The following PIAS1 variants were observed in gnomAD, a reference collection of about 807,000 sequenced individuals.
The protein encoded by PIAS1 is protein inhibitor of activated STAT 1.
A neutral mutation model predicts 71.3 loss-of-function variants in PIAS1; 6 were observed. The observed-to-expected ratio is 0.08, with a 90% confidence interval of 0.05 to 0.17. The LOEUF is 0.17. Ranked by LOEUF, PIAS1 falls within the 10% of genes least tolerant of loss-of-function variation. The pLI, the probability that PIAS1 is intolerant of heterozygous loss-of-function variation, is 1.00. For missense variants in PIAS1, 555 were observed against 793.6 expected (o/e 0.70, Z 3.61); for synonymous variants, 303 against 292.9 (o/e 1.03, Z -0.35).
chr15:68,124,905 A>G (rs1272306954), intron 2 of PIAS1, among the ~76,000 whole-genome samples: 2 of 152,080 alleles, frequency 1.3e-5, no homozygotes, highest in African/African-American at 4.8e-5. Flanking sequence ...TGCATTGCAA[A>G]TTGTTGCATT....
chr15:68,063,281 A>G (rs1478015303), intron 1 of PIAS1, among the ~76,000 whole-genome samples: 3 of 152,214 alleles, frequency 2.0e-5, no homozygotes, highest in Non-Finnish European at 2.9e-5. Context: ...TTAACATGCT[A>G]TCTTGTGCTT....
chr15:68,156,189 A>C (rs890196353), intron 7 of PIAS1, among the ~76,000 whole-genome samples: 1 of 152,234 alleles, frequency 6.6e-6, no homozygotes, highest in Non-Finnish European at 1.5e-5. Context: ...GTCTGGTAAG[A>C]AAGACAGGCA....
chr15:68,172,037 A>G (rs970431996), intron 8 of PIAS1, among the ~76,000 whole-genome samples: 2 of 151,886 alleles, frequency 1.3e-5, no homozygotes, highest in African/African-American at 4.8e-5. Flanking sequence ...TACATTAGGT[A>G]TTTTTCCTAA....
intron 2 of PIAS1, among the ~76,000 whole-genome samples, chr15:68,098,754 C>G (rs775799021): frequency 6.6e-6 from 1 of 152,000 alleles, no homozygotes; most frequent in Non-Finnish European, 1.5e-5. Context: ...GCAATAGATT[C>G]GTTGGATTCT....
intron 2 of PIAS1, among the ~76,000 whole-genome samples, chr15:68,124,377 G>A (rs2092634873): frequency 6.6e-6 from 1 of 150,906 alleles, no homozygotes; most frequent in South Asian, 2.1e-4. Flanking sequence ...CTATTTCTTG[G>A]GTTGTGGTTT....
chr15:68,100,784 A>G (rs957502968), intron 2 of PIAS1, among the ~76,000 whole-genome samples: 1 of 152,214 alleles, frequency 6.6e-6, no homozygotes, highest in Non-Finnish European at 1.5e-5. Context: ...CCATGAATGA[A>G]TGATCCAGTG....
chr15:68,081,867 CTAAGTT>C (rs1485564936), intron 1 of PIAS1, among the ~76,000 whole-genome samples: 1 of 151,354 alleles, frequency 6.6e-6, no homozygotes, highest in Non-Finnish European at 1.5e-5. Context: ...ACATACATCT[CTAAGTT>C]TAAAAGGATC....
chr15:68,167,919 C>A lies in PIAS1; in HGVS notation c.1008+3115C>A, dbSNP rs2092967225. ...ATGGGGTTTCACCATGTTGGCCAGG[C>A]TGGTCTCAAACTCCTGACCTCAGGT... On this transcript the variant is annotated intron_variant, in intron 8 of 13. Transcript: ENST00000249636. This position sits in a 1 kb window ranked among gnomAD's most constrained non-coding sequence, Gnocchi z 4.4. Among the ~76,000 whole-genome samples, 1 of 152,034 alleles carries A rather than the reference C, an allele frequency of 6.6e-6. No homozygotes were observed. Among genetic ancestry groups the A allele is most frequent in the Admixed American group, 6.6e-5 (1 of 15,258 alleles).
chr15:68,124,408 T>G (rs915691112), intron 2 of PIAS1, among the ~76,000 whole-genome samples: 129 of 150,118 alleles, frequency 8.6e-4, no homozygotes, highest in Non-Finnish European at 1.4e-3. Context: ...TGTTTTTTGT[T>G]TTTTTTTTTT....
chr15:68,149,647 T>C (rs1408473735), intron 6 of PIAS1, among the ~76,000 whole-genome samples: 2 of 152,132 alleles, frequency 1.3e-5, no homozygotes, highest in African/African-American at 2.4e-5. Flanking sequence ...TTTTCTGTTA[T>C]ATTTTCAAAG....
chr15:68,093,941 C>T (rs75327065), intron 2 of PIAS1, among the ~76,000 whole-genome samples: 3,190 of 152,192 alleles, frequency 0.021, 113 homozygotes, highest in African/African-American at 0.072. Flanking sequence ...AGTGTTTGGA[C>T]GCTACAGACT....
At chr15:68,112,621 A>G (rs1042818668) in intron 2 of PIAS1, among the ~76,000 whole-genome samples, 2 of 152,220 alleles carry the variant, frequency 1.3e-5, no homozygotes, top group Admixed American at 6.5e-5. Flanking sequence ...AAAAAGGCCA[A>G]TAAGGGTATG....
At chr15:68,097,146 T>A (rs1283263364) in intron 2 of PIAS1, among the ~76,000 whole-genome samples, 1 of 152,244 alleles carries the variant, frequency 6.6e-6, no homozygotes, top group Non-Finnish European at 1.5e-5. Context: ...CTTTTCTACA[T>A]CCATTCAGAT....
Position 68,171,601 on chromosome 15 carries a change from A to G in PIAS1, c.1009-2131A>G, listed in dbSNP as rs937342821. ...TGATACTGTAAACTGGCATTGCTCT[A>G]GTCTCAGTAAGTTTATAGCATGTTC... On this transcript the variant is annotated intron_variant, in intron 8 of 13. Coordinates refer to ENST00000249636, the MANE Select transcript of PIAS1 (RefSeq NM_016166.3). This position sits in a 1 kb window ranked among gnomAD's most constrained non-coding sequence, Gnocchi z 4.4. 6.6e-6 allele frequency among the ~76,000 whole-genome samples: 1 copy of G among 152,152 alleles called. No individual in the cohort carries two copies. Among genetic ancestry groups the G allele is most frequent in the African/African-American group, 2.4e-5 (1 of 41,424 alleles).
chr15:68,180,342 C>T (rs999819401), intron 11 of PIAS1, among the ~76,000 whole-genome samples: 2 of 152,072 alleles, frequency 1.3e-5, no homozygotes, highest in Non-Finnish European at 2.9e-5. Context: ...AACTATCCTT[C>T]TGCCTCAGCC....
At chr15:68,110,744 A>G (rs372617880) in intron 2 of PIAS1, among the ~76,000 whole-genome samples, 7 of 152,148 alleles carry the variant, frequency 4.6e-5, no homozygotes, top group African/African-American at 1.7e-4. Flanking sequence ...GTCTCCAGAA[A>G]AAAAAAAGGT....
At chr15:68,126,508 T>A (rs2141026069) in intron 2 of PIAS1, among the ~76,000 whole-genome samples, 1 of 152,360 alleles carries the variant, frequency 6.6e-6, no homozygotes, top group African/African-American at 2.4e-5. Flanking sequence ...AGTGTTGGAA[T>A]CTTGGCTCAC....
At chr15:68,144,465 G>A (rs559948125) in intron 4 of PIAS1, among the ~76,000 whole-genome samples, 1 of 151,708 alleles carries the variant, frequency 6.6e-6, no homozygotes, top group Non-Finnish European at 1.5e-5. Context: ...TTTCTCTTCA[G>A]TTCATTAGGG....
intron 1 of PIAS1, among the ~76,000 whole-genome samples, chr15:68,056,301 C>A (rs765284095): frequency 7.9e-5 from 12 of 152,232 alleles, no homozygotes; most frequent in Non-Finnish European, 1.8e-4. Context: ...ATGGAAAGCA[C>A]ATGCTGAGAG....
Sources: gnomAD v4.1 joint callset for allele counts (sites outside exome capture counted in the v4.1 genomes callset) on GRCh38, gnomAD v4.1.1 for gene constraint, Gnocchi (gnomAD v3.1) non-coding constraint, MANE v1.5 for transcripts, NCBI Gene and HGNC (gene_info 2026-07-23, HGNC 2026-07-21) for gene names.